ZSWIM3: variants seen among roughly 807,000 people sequenced by gnomAD.
The protein encoded by ZSWIM3 is zinc finger SWIM-type containing 3, also known as zinc finger SWIM domain-containing protein 3.
A neutral mutation model predicts 47.5 loss-of-function variants in ZSWIM3; 27 were observed. The observed-to-expected ratio is 0.57, with a 90% CI of 0.42 to 0.78. The LOEUF (loss-of-function observed/expected upper bound fraction) is 0.78, where lower values mean the gene tolerates loss of function less well. ZSWIM3 is among the 30% of genes least tolerant of loss of function. The probability of loss-of-function intolerance (pLI) is 0.00; values close to 1 mark genes in which losing one functional copy is unlikely to be tolerated. For synonymous variants in ZSWIM3, 333 were observed against 333.9 expected (o/e 1.00, Z 0.03); for missense variants, 689 against 861.3 (o/e 0.80, Z 2.50).
At position 45,862,584 on chromosome 20, in the gene ZSWIM3, C is replaced by T. The variant is rs139896324; in HGVS notation, c.155+4604C>T. 7.7e-3 allele frequency among the ~76,000 whole-genome samples: 1,177 copies of T among 152,102 alleles called. 20 individuals carry two copies. Among genetic ancestry groups the T allele is most frequent in the African/African-American group, 0.027 (1,123 of 41,486 alleles). On this transcript the variant is annotated intron_variant, in intron 1 of 1. Transcript: ENST00000255152. The stretch of plus-strand genomic sequence containing the variant: ...TTGGCTCACTGCAACCTCTGCCTCC[C>T]GGGTTCAAGTGATTCTCCTGTCTCA...
At chr20:45,871,227 A>G (rs1166228107) in intron 1 of ZSWIM3, among the ~76,000 whole-genome samples, 2 of 152,208 alleles carry the variant, frequency 1.3e-5, no homozygotes, top group Non-Finnish European at 2.9e-5. Context: ...ATGGTTTTAT[A>G]CTTTCCTGAA....
chr20:45,876,700 T>C lies in ZSWIM3; in HGVS notation c.156-14T>C. 1 of 1,602,122 alleles carries C rather than the reference T, an allele frequency of 6.2e-7. No homozygotes were observed. Among genetic ancestry groups the C allele is most frequent in the Non-Finnish European group, 8.5e-7 (1 of 1,173,790 alleles). On this transcript the variant is annotated splice_polypyrimidine_tract_variant and intron_variant, in intron 1 of 1. Coordinates refer to ENST00000255152, the MANE Select transcript of ZSWIM3 (RefSeq NM_080752.4). The stretch of plus-strand genomic sequence containing the variant: ...GGTCAGCACCTTTCTCATTGTTACC[T>C]CTACCTTCCCTAGGTATGTGCAGGT...
At position 45,877,332 on chromosome 20, in the gene ZSWIM3, A is replaced by T. The variant is rs1255754755; in HGVS notation, c.774A>T (p.Thr258=). The part of the protein sequence containing the change: ...VVHFAVLKAE[T]VTSVAKMLSI... The stretch of plus-strand genomic sequence containing the variant: ...ACTTTGCTGTGCTCAAGGCGGAGAC[A>T]GTCACCTCTGTGGCCAAGATGCTGA... Residue 258 remains threonine, a synonymous_variant, in exon 2 of 2, where the codon ACA becomes ACT. Transcript: ENST00000255152. 1 of 1,614,176 alleles carries T rather than the reference A, an allele frequency of 6.2e-7. No homozygotes were observed. Among genetic ancestry groups the T allele is most frequent in the South Asian group, 1.1e-5 (1 of 91,068 alleles).
chr20:45,865,037 G>A (rs1458568025), intron 1 of ZSWIM3, among the ~76,000 whole-genome samples: 1 of 151,618 alleles, frequency 6.6e-6, no homozygotes, highest in Non-Finnish European at 1.5e-5. Flanking sequence ...CAGGCATGTA[G>A]CCGGGGCGCA....
intron 1 of ZSWIM3, chr20:45,872,895 G>C: frequency 8.4e-7 from 1 of 1,192,292 alleles, no homozygotes; most frequent in Non-Finnish European, 1.1e-6. Context: ...GTTTTCCCAA[G>C]CTTGCCCCAC....
At chr20:45,869,433 C>A (rs1363646607) in intron 1 of ZSWIM3, among the ~76,000 whole-genome samples, 1 of 151,622 alleles carries the variant, frequency 6.6e-6, no homozygotes, top group East Asian at 2.0e-4. Context: ...GCAGGAGAAT[C>A]ACTTGAATCT....
rs192543095 is a variant in ZSWIM3, at chr20:45,866,227, G to A, written c.155+8247G>A. On this transcript the variant is annotated intron_variant, in intron 1 of 1. Transcript: ENST00000255152. Reference sequence around the variant, plus strand: ...TGAGGCAGGAGGATCATTTGAACCCGGCAGAGGTTGCAGTGAGCTGAGATC... The same window carrying A: ...TGAGGCAGGAGGATCATTTGAACCCAGCAGAGGTTGCAGTGAGCTGAGATC... Among the ~76,000 whole-genome samples, 237 of 152,006 alleles carry A rather than the reference G, an allele frequency of 1.6e-3. 1 individual carries two copies. Among genetic ancestry groups the A allele is most frequent in the African/African-American group, 5.4e-3 (224 of 41,488 alleles).
At chr20:45,867,928 A>T (rs965676277) in intron 1 of ZSWIM3, among the ~76,000 whole-genome samples, 8 of 152,228 alleles carry the variant, frequency 5.3e-5, no homozygotes, top group Non-Finnish European at 1.0e-4. Context: ...GACCCTTGTT[A>T]TCAGAGTTTT....
intron 1 of ZSWIM3, among the ~76,000 whole-genome samples, chr20:45,862,791 C>CTATG (rs1601111046): frequency 6.6e-6 from 1 of 152,116 alleles, no homozygotes. Context: ...CACGCCCAGC[C>CTATG]TATGTATTTA....
chr20:45,867,267 A>C (rs1359183076), intron 1 of ZSWIM3, among the ~76,000 whole-genome samples: 1 of 152,108 alleles, frequency 6.6e-6, no homozygotes, highest in Non-Finnish European at 1.5e-5. Context: ...TCAGCCTCCC[A>C]AAGTTCTGGG....
intron 1 of ZSWIM3, 38 bp downstream of exon 1, chr20:45,858,018 G>A (rs1985585667): frequency 1.9e-6 from 3 of 1,575,080 alleles, no homozygotes; most frequent in South Asian, 2.3e-5. Context: ...AAGAGGGTGG[G>A]GAGGAGGCTG....
rs754736523 is a variant in ZSWIM3, at chr20:45,877,757, G to T, written c.1199G>T (p.Ser400Ile). Residue 400 changes from serine to isoleucine, a missense_variant, in exon 2 of 2, where the codon AGC (serine) becomes ATC (isoleucine). Ser to Ile is a moderately radical substitution (Grantham distance 142, BLOSUM62 -2). Transcript: ENST00000255152. ...TYMDSLDIVTSKVSSLFREQQ... is the reference protein window; with the variant it reads ...TYMDSLDIVTIKVSSLFREQQ... ...ATGGACAGCCTAGACATTGTCACCA[G>T]CAAGGTGTCAAGCCTCTTTCGGGAA... 6.2e-7 allele frequency: 1 copy of T among 1,614,086 alleles called. No homozygotes were observed. Among genetic ancestry groups the T allele is most frequent in the South Asian group, 1.1e-5 (1 of 91,082 alleles).
chr20:45,867,341 T>TG (rs1346455141), intron 1 of ZSWIM3, among the ~76,000 whole-genome samples: 2 of 152,242 alleles, frequency 1.3e-5, no homozygotes, highest in East Asian at 3.9e-4. Flanking sequence ...AAAGAACAGT[T>TG]GGAGATTAGT....
In ZSWIM3 at chr20:45,876,868, G is replaced by A. The variant is rs115746617; in HGVS notation, c.310G>A (p.Asp104Asn). Residue 104 changes from aspartate to asparagine, a missense_variant, in exon 2 of 2, where the codon GAC (aspartate) becomes AAC (asparagine). Coordinates refer to ENST00000255152, the MANE Select transcript of ZSWIM3 (RefSeq NM_080752.4). ...SELNTQHIHG[D>N]SKVASPGGDT... ...ACTAAACACACAGCACATACATGGT[G>A]ACTCTAAAGTGGCTAGTCCTGGAGG... The A allele has an allele frequency of 1.2e-5, 20 of 1,614,172 alleles. No individual in the cohort carries two copies. In the Middle Eastern group the frequency reaches 4.9e-4, roughly 40 times the overall value.
chr20:45,878,271 C>T lies in ZSWIM3; in HGVS notation c.1713C>T (p.Ser571=), dbSNP rs140603620. 165 of 1,614,232 alleles carry T rather than the reference C, an allele frequency of 1.0e-4. No individual in the cohort carries two copies. The African/African-American group carries it at 2.0e-3, about 20-fold the overall frequency. Residue 571 remains serine (S), a synonymous_variant, in exon 2 of 2, where the codon AGC becomes AGT. Coordinates refer to ENST00000255152, the MANE Select transcript of ZSWIM3 (RefSeq NM_080752.4). ...CRHILALLHT[S]QQPVGEAMVC... Reference sequence around the variant, plus strand: ...ACATTTTGGCTCTGCTGCACACCAGCCAGCAGCCGGTTGGTGAAGCCATGG... The same window carrying T: ...ACATTTTGGCTCTGCTGCACACCAGTCAGCAGCCGGTTGGTGAAGCCATGG...
chr20:45,862,504 T>G (rs1444862800), intron 1 of ZSWIM3, among the ~76,000 whole-genome samples: 1 of 151,652 alleles, frequency 6.6e-6, no homozygotes, highest in Non-Finnish European at 1.5e-5. Flanking sequence ...CTTACTTACT[T>G]ATTTTGAGAT....
At chr20:45,873,017 CT>C (rs1483296579) in intron 1 of ZSWIM3, among the ~76,000 whole-genome samples, 2 of 152,190 alleles carry the variant, frequency 1.3e-5, no homozygotes. Context: ...TTCCCCTGGT[CT>C]TTGGGCTGGG....
chr20:45,869,344 C>A (rs1985915705), intron 1 of ZSWIM3, among the ~76,000 whole-genome samples: 2 of 151,432 alleles, frequency 1.3e-5, no homozygotes, highest in Admixed American at 1.3e-4. Flanking sequence ...ATGGTGAAAC[C>A]CTGTCACTAC....
intron 1 of ZSWIM3, 37 bp downstream of exon 1, chr20:45,858,017 G>A (rs1301320511): frequency 2.5e-6 from 4 of 1,579,100 alleles, no homozygotes; most frequent in Non-Finnish European, 3.5e-6. Context: ...CAAGAGGGTG[G>A]GGAGGAGGCT....
Sources: gnomAD v4.1 joint callset for allele counts (sites outside exome capture counted in the v4.1 genomes callset) on GRCh38, gnomAD v4.1.1 for gene constraint, MANE v1.5 for transcripts, NCBI Gene and HGNC (gene_info 2026-07-23, HGNC 2026-07-21) for gene names.